Variants in IKZF1 observed in about 807,000 individuals in gnomAD.
IKZF1 encodes DNA-binding protein Ikaros.
Under a neutral mutation model 51.7 loss-of-function variants are expected in IKZF1, and 10 were observed. The observed-to-expected ratio is 0.19, with a 90% CI of 0.12 to 0.33. The LOEUF (loss-of-function observed/expected upper bound fraction) is 0.33, where lower values mean the gene tolerates loss of function less well. Among genes scored for constraint, IKZF1 ranks in the 10% least tolerant of loss-of-function variants. The pLI is 1.00. For synonymous variants in IKZF1, 280 were observed against 282.3 expected (o/e 0.99, Z 0.08); for missense variants, 484 against 707.5 (o/e 0.68, Z 3.58).
At chr7:50,342,862 A>G (rs1799377372) in intron 3 of IKZF1, among the ~76,000 whole-genome samples, 1 of 152,220 alleles carries the variant, frequency 6.6e-6, no homozygotes, top group African/African-American at 2.4e-5. Flanking sequence ...AGTTCAGGAG[A>G]CAGCGTGTGC....
Position 50,403,334 on chromosome 7 carries a change from T to C in IKZF1, c.*2707T>C, listed in dbSNP as rs775360816. ...AGGAGTTTGCATGACTTCACACTTT[T>C]TTTGCGTAGTTTCTTCTGTTGTATG... On this transcript the variant is annotated 3_prime_UTR_variant, in exon 8 of 8. Coordinates refer to ENST00000331340, the MANE Select transcript of IKZF1 (RefSeq NM_006060.6). 2 of 223,116 alleles carry C rather than the reference T, an allele frequency of 9.0e-6. No individual in the cohort carries two copies. Among genetic ancestry groups the C allele is most frequent in the Non-Finnish European group, 1.8e-5 (2 of 111,692 alleles). The allele number at this position is 223,116 out of a possible 1,614,324, so 13.8% of individuals were successfully genotyped here.
At position 50,400,239 on chromosome 7, in the gene IKZF1, G is replaced by A. The variant is rs1360587266; in HGVS notation, c.1172G>A (p.Ser391Asn). Residue 391 changes from serine (S) to asparagine (N), a missense_variant, in exon 8 of 8, where the codon AGC (serine) becomes AAC (asparagine). Around this residue, in one of 6 missense-constraint regions of IKZF1, gnomAD observed 27 missense variants for 56.8 expected, o/e 0.48. Transcript: ENST00000331340. The surrounding 1 kb of genome is among the most constrained non-coding windows in gnomAD (Gnocchi z 5.4). ...LVPSEREASP[S>N]NSCQDSTDTE... ...CCCTCGGAGCGCGAGGCGTCCCCGA[G>A]CAACAGCTGCCAAGACTCCACGGAC... The A allele has an allele frequency of 6.2e-7, 1 of 1,608,026 alleles. No homozygotes were observed. The highest frequency in any genetic ancestry group is 8.5e-7 in the Non-Finnish European group (1 of 1,177,806).
rs577470164 is a variant in IKZF1, at chr7:50,312,538, A to G, written c.-14-6510A>G. On this transcript the variant is annotated intron_variant, in intron 1 of 7. Coordinates refer to ENST00000331340, the MANE Select transcript of IKZF1 (RefSeq NM_006060.6). ...TTTAAAACAACTTTTTGAATACAGTATCTGCCATCTTTTCTTATACCTCAC... is the reference window on the plus strand; with the variant it reads ...TTTAAAACAACTTTTTGAATACAGTGTCTGCCATCTTTTCTTATACCTCAC... 3.3e-5 allele frequency among the ~76,000 whole-genome samples: 5 copies of G among 152,342 alleles called. No individual in the cohort carries two copies. The South Asian group carries it at 6.2e-4, about 19-fold the overall frequency.
At chr7:50,304,136 GC>G (rs1441481364), upstream of IKZF1, 1 of 147,600 alleles carries the variant, frequency 6.8e-6, no homozygotes, top group African/African-American at 2.5e-5. Context: ...ACCCGCCGCC[GC>G]CCCGGCGGCC....
intron 6 of IKZF1, among the ~76,000 whole-genome samples, 155 bp from the exon 7 acceptor site, chr7:50,391,574 G>A (rs905052967): frequency 9.9e-5 from 15 of 152,180 alleles, no homozygotes; most frequent in African/African-American, 3.6e-4. Context: ...GGCTGCCTCT[G>A]CCTGTCTGGA....
At chr7:50,390,671 G>A (rs2153497293) in intron 6 of IKZF1, among the ~76,000 whole-genome samples, 1 of 152,284 alleles carries the variant, frequency 6.6e-6, no homozygotes. Context: ...AAACTGGCTT[G>A]TAAATTTTAC....
intron 7 of IKZF1, chr7:50,393,888 G>A (rs1265485020): frequency 1.7e-5 from 4 of 232,788 alleles, no homozygotes; most frequent in Admixed American, 1.1e-4. Flanking sequence ...TAAGAAGCAG[G>A]GATGGCGTCC....
chr7:50,377,780 G>T (rs989361465), intron 4 of IKZF1, among the ~76,000 whole-genome samples: 2 of 152,172 alleles, frequency 1.3e-5, no homozygotes, highest in African/African-American at 4.8e-5. Context: ...TTCTAAAGTT[G>T]GGTAAAACAC....
At chr7:50,314,127 C>CT (rs550638104) in intron 1 of IKZF1, among the ~76,000 whole-genome samples, 2 of 151,890 alleles carry the variant, frequency 1.3e-5, no homozygotes, top group South Asian at 2.1e-4. Flanking sequence ...TTTCTTTTTT[C>CT]TTTTTTTTCA....
chr7:50,303,986 T>C (rs1788159217), upstream of IKZF1: 1 of 143,996 alleles, frequency 6.9e-6, no homozygotes, highest in African/African-American at 2.5e-5. The surrounding 1 kb of genome is among the most constrained non-coding windows in gnomAD (Gnocchi z 4.7). Flanking sequence ...CGCGGCGCGA[T>C]GCTGCGCTGG....
chr7:50,403,885 C>T lies in IKZF1; in HGVS notation c.*3258C>T, dbSNP rs1031121932. The T allele has an allele frequency of 2.3e-5, 5 of 217,872 alleles. No homozygotes were observed. The highest frequency in any genetic ancestry group is 3.7e-5 in the Non-Finnish European group (4 of 108,134). The allele number at this position is 217,872 out of a possible 1,614,324, so 13.5% of individuals were successfully genotyped here. A position where few individuals can be genotyped will look rare whatever the true frequency, so the allele number is the denominator to read the frequency against. ...TGTCCTCTTCTTGCCAAAACAAACGCGAGATGAACTGGACTTATGTAGACA... is the reference window on the plus strand; with the variant it reads ...TGTCCTCTTCTTGCCAAAACAAACGTGAGATGAACTGGACTTATGTAGACA... On this transcript the variant is annotated 3_prime_UTR_variant, in exon 8 of 8. Transcript: ENST00000331340.
chr7:50,375,348 C>T (rs1050254439), intron 3 of IKZF1, among the ~76,000 whole-genome samples: 13 of 152,062 alleles, frequency 8.5e-5, no homozygotes, highest in African/African-American at 1.2e-4. Context: ...CACTTGAGCC[C>T]GGGAGACAGA....
chr7:50,318,140 G>A (rs1050930868), intron 1 of IKZF1, among the ~76,000 whole-genome samples: 1 of 122,138 alleles, frequency 8.2e-6, no homozygotes, highest in African/African-American at 3.2e-5. Flanking sequence ...ACTGCCGAGC[G>A]GCAGGCCAGG....
chr7:50,342,700 C>A (rs902462345), intron 3 of IKZF1, among the ~76,000 whole-genome samples: 15 of 151,114 alleles, frequency 9.9e-5, no homozygotes, highest in Non-Finnish European at 1.5e-4. Context: ...TGCCTGCCTG[C>A]AGCCTGAGAA....
rs911634091 is a variant in IKZF1 at position 50,348,937 on chromosome 7, G to A, written c.160+21180G>A. On this transcript the variant is annotated intron_variant, in intron 3 of 7. Transcript: ENST00000331340. Reference sequence around the variant, plus strand: ...CTTTCTATGCTTCACAGATGAGGAAGGTCCCTGGCACAGGTCCAGTCTCCA... The same window carrying A: ...CTTTCTATGCTTCACAGATGAGGAAAGTCCCTGGCACAGGTCCAGTCTCCA... 5.3e-5 allele frequency among the ~76,000 whole-genome samples: 8 copies of A among 152,190 alleles called. No homozygotes were observed. The South Asian group carries it at 1.2e-3, about 24-fold the overall frequency.
chr7:50,355,771 A>G (rs1256459753), intron 3 of IKZF1, among the ~76,000 whole-genome samples: 1 of 152,220 alleles, frequency 6.6e-6, no homozygotes, highest in African/African-American at 2.4e-5. Flanking sequence ...TTGGAAAATA[A>G]GGAAGAGGGA....
Position 50,391,955 on chromosome 7 carries a change from A to G in IKZF1, c.850+92A>G, listed in dbSNP as rs1044851948. 8.4e-6 allele frequency: 12 copies of G among 1,428,690 alleles called. No individual in the cohort carries two copies. The East Asian group carries it at 2.5e-4, about 30-fold the overall frequency. 88.5% of individuals were successfully genotyped at this position (1,428,690 alleles called of 1,614,324 possible). ...TGAGTTGAGGGTGGAAGAAAGGGAA[A>G]AAAATCTTATTTTTTCAAAAGGAAA... On this transcript the variant is annotated intron_variant, in intron 7 of 7. Coordinates refer to ENST00000331340, the MANE Select transcript of IKZF1 (RefSeq NM_006060.6).
chr7:50,326,960 A>G (rs1292162678), intron 2 of IKZF1, among the ~76,000 whole-genome samples: 1 of 152,250 alleles, frequency 6.6e-6, no homozygotes, highest in Non-Finnish European at 1.5e-5. Context: ...CTGGTGTGGT[A>G]TCCTCAAACA....
chr7:50,370,764 A>G (rs937803010), intron 3 of IKZF1, among the ~76,000 whole-genome samples: 3 of 152,228 alleles, frequency 2.0e-5, no homozygotes. Flanking sequence ...AGAGAGGACC[A>G]GTCTCCATTT....
Sources: allele counts gnomAD v4.1 joint callset (sites outside exome capture counted in the v4.1 genomes callset), GRCh38; gene constraint gnomAD v4.1.1; regional missense constraint gnomAD v4.1.1; non-coding constraint Gnocchi (gnomAD v3.1); transcripts MANE v1.5; gene names NCBI Gene and HGNC (gene_info 2026-07-23, HGNC 2026-07-21).